H1-0: variants seen among roughly 807,000 people sequenced by gnomAD.
The protein encoded by H1-0 is histone H1.0.
In H1-0, 5 loss-of-function variants were observed where a neutral mutation model predicts 8.8. The observed-to-expected ratio is 0.57, with a 90% CI of 0.30 to 1.19. The LOEUF (loss-of-function observed/expected upper bound fraction) is 1.19, where lower values mean the gene tolerates loss of function less well. H1-0 is among the 50% of genes most tolerant of loss of function. The probability of loss-of-function intolerance (pLI) is 0.08; values close to 1 mark genes in which losing one functional copy is unlikely to be tolerated. For missense variants in H1-0, 231 were observed against 242.0 expected, an observed-to-expected ratio of 0.95 and a Z score of 0.30; for synonymous variants, 143 against 101.4, an observed-to-expected ratio of 1.41 and a Z score of -2.46.
chr22:37,805,855 C>T lies in H1-0; in HGVS notation c.311C>T (p.Ser104Leu), dbSNP rs756358126. ...RLAKSDEPKK[S>L]VAFKKTKKEI... ...GCCAAGAGCGACGAACCCAAGAAGT[C>T]AGTGGCCTTCAAGAAGACCAAGAAG... Residue 104 changes from serine to leucine, a missense_variant, in exon 1 of 1, where the codon TCA becomes TTA. Ser to Leu is a moderately radical substitution (Grantham distance 145, BLOSUM62 -2). Coordinates refer to ENST00000340857, the MANE Select transcript of H1-0 (RefSeq NM_005318.4). 9 of 1,613,842 alleles carry T rather than the reference C, an allele frequency of 5.6e-6. No homozygotes were observed. Among genetic ancestry groups the T allele is most frequent in the East Asian group, 2.2e-5 (1 of 44,888 alleles).
chr22:37,805,741 C>A lies in H1-0; in HGVS notation c.197C>A (p.Ser66Ter). 1 of 1,614,066 alleles carries A rather than the reference C, an allele frequency of 6.2e-7. No individual in the cohort carries two copies. Among genetic ancestry groups the A allele is most frequent in the Non-Finnish European group, 8.5e-7 (1 of 1,179,984 alleles). ...TACAAGGTGGGTGAGAACGCTGACT[C>A]GCAGATCAAGTTGTCCATCAAGCGC... Reference protein sequence around the residue: ...SHYKVGENADSQIKLSIKRLV... With the variant: ...SHYKVGENAD The change falls in exon 1 of 1, where the codon TCG becomes TAG. Residue 66 changes from serine (S) to a stop codon, truncating the protein, a stop_gained. Coordinates refer to ENST00000340857, the MANE Select transcript of H1-0 (RefSeq NM_005318.4). LOFTEE classifies it high-confidence loss of function.
At position 37,805,967 on chromosome 22, in the gene H1-0, C is replaced by G. The variant is rs370894514; in HGVS notation, c.423C>G (p.Thr141=). The G allele has an allele frequency of 1.9e-6, 3 of 1,613,992 alleles. No homozygotes were observed. In the East Asian group the frequency reaches 6.7e-5, roughly 36 times the overall value. The change falls in exon 1 of 1, where the codon ACC becomes ACG. Residue 141 remains threonine, a synonymous_variant. Transcript: ENST00000340857. ...CCCCAACCAAGAAACCCAAAGCCAC[C>G]CCGGTCAAGAAGGCCAAGAAGAAGC... ...SKAPTKKPKA[T]PVKKAKKKLA... is the part of the protein sequence containing the mutation.
Position 37,807,331 on chromosome 22 carries a change from T to TCCCCCCCCCCCCCC in H1-0, c.*1211_*1212insCCCCCCCCCCCCCC, listed in dbSNP as rs56665907. 6.6e-6 allele frequency: 1 copy of TCCCCCCCCCCCCCC among 151,428 alleles called. No individual in the cohort carries two copies. Among genetic ancestry groups the TCCCCCCCCCCCCCC allele is most frequent in the Non-Finnish European group, 1.6e-5 (1 of 64,404 alleles). The allele number at this position is 151,428 out of a possible 1,614,324, so 9.4% of individuals were successfully genotyped here. On this transcript the variant is annotated 3_prime_UTR_variant, in exon 1 of 1. Coordinates refer to ENST00000340857, the MANE Select transcript of H1-0 (RefSeq NM_005318.4). Reference sequence around the variant, plus strand: ...AATAGAAAAATCGCGCACTTGCGCGTCCCCCCCCCACCCCCTTTTTTAAAC... The same window carrying TCCCCCCCCCCCCCC: ...AATAGAAAAATCGCGCACTTGCGCGTCCCCCCCCCCCCCCCCCCCCCCCACCCCCTTTTTTAAAC...
Position 37,805,569 on chromosome 22 carries a change from C to T in H1-0, c.25C>T (p.Pro9Ser). The change falls in exon 1 of 1, where the codon CCT becomes TCT. Residue 9 changes from proline to serine, a missense_variant. Coordinates refer to ENST00000340857, the MANE Select transcript of H1-0 (RefSeq NM_005318.4). MTENSTSA[P>S]AAKPKRAKAS... ...CATGACCGAGAATTCCACGTCCGCCCCTGCGGCCAAGCCCAAGCGGGCCAA... is the reference window on the plus strand; with the variant it reads ...CATGACCGAGAATTCCACGTCCGCCTCTGCGGCCAAGCCCAAGCGGGCCAA... 1.2e-6 allele frequency: 2 copies of T among 1,612,862 alleles called. No homozygotes were observed. The highest frequency in any genetic ancestry group is 1.1e-5 in the South Asian group (1 of 91,040).
chr22:37,805,307 G>C lies in H1-0; in HGVS notation c.-238G>C. 1.9e-6 allele frequency: 1 copy of C among 524,636 alleles called. No individual in the cohort carries two copies. Among genetic ancestry groups the C allele is most frequent in the Non-Finnish European group, 3.4e-6 (1 of 294,680 alleles). 32.5% of individuals were successfully genotyped at this position (524,636 alleles called of 1,614,324 possible). ...AGAGGCAGAGCCCGAGCCCGGTGCC[G>C]AGACCAAGCGACAGACCGGCGGGGC... On this transcript the variant is annotated 5_prime_UTR_variant, in exon 1 of 1. Coordinates refer to ENST00000340857, the MANE Select transcript of H1-0 (RefSeq NM_005318.4).
chr22:37,807,154 C>G lies in H1-0; in HGVS notation c.*1025C>G, dbSNP rs1196487523. 1.8e-5 allele frequency: 3 copies of G among 166,746 alleles called. No homozygotes were observed. The Admixed American group carries it at 2.0e-4, about 11-fold the overall frequency. The allele number at this position is 166,746 out of a possible 1,614,324, so 10.3% of individuals were successfully genotyped here. A position where few individuals can be genotyped will look rare whatever the true frequency, so the allele number is the denominator to read the frequency against. ...AGTGGATAGTAAGACTTACTGCAGTCGATTTGGGATTTGCTAAGTAGTTTT... is the reference window on the plus strand; with the variant it reads ...AGTGGATAGTAAGACTTACTGCAGTGGATTTGGGATTTGCTAAGTAGTTTT... On this transcript the variant is annotated 3_prime_UTR_variant, in exon 1 of 1. Transcript: ENST00000340857.
At position 37,805,695 on chromosome 22, in the gene H1-0, C is replaced by G. The variant is rs1466070658; in HGVS notation, c.151C>G (p.Gln51Glu). The G allele has an allele frequency of 2.5e-6, 4 of 1,614,150 alleles. No homozygotes were observed. The highest frequency in any genetic ancestry group is 1.7e-5 in the Admixed American group (1 of 60,018). Residue 51 changes from glutamine to glutamate, a missense_variant, in exon 1 of 1, where the codon CAG (glutamine) becomes GAG (glutamate). Transcript: ENST00000340857. ...CGCTGGCTCCTCGCGCCAGTCCATTCAGAAGTATATCAAGAGCCACTACAA... is the reference window on the plus strand; with the variant it reads ...CGCTGGCTCCTCGCGCCAGTCCATTGAGAAGTATATCAAGAGCCACTACAA... ...NRAGSSRQSI[Q>E]KYIKSHYKVG...
In H1-0 at chr22:37,805,995, G is replaced by A. The variant is rs1233928467; in HGVS notation, c.451G>A (p.Ala151Thr). Residue 151 changes from alanine to threonine, a missense_variant, in exon 1 of 1, where the codon GCT becomes ACT. Transcript: ENST00000340857. ...GGTCAAGAAGGCCAAGAAGAAGCTG[G>A]CTGCCACGCCCAAGAAAGCCAAAAA... ...TPVKKAKKKL[A>T]ATPKKAKKPK... is the part of the protein sequence containing the mutation. 2.5e-6 allele frequency: 4 copies of A among 1,613,874 alleles called. No individual in the cohort carries two copies. The highest frequency in any genetic ancestry group is 2.7e-5 in the African/African-American group (2 of 74,854).
Position 37,806,201 on chromosome 22 carries a change from C to G in H1-0, c.*72C>G. The G allele has an allele frequency of 8.5e-7, 1 of 1,170,624 alleles. No homozygotes were observed. The highest frequency in any genetic ancestry group is 2.6e-5 in the East Asian group (1 of 39,036). 72.5% of individuals were successfully genotyped at this position (1,170,624 alleles called of 1,614,324 possible). A position where few individuals can be genotyped will look rare whatever the true frequency, so the allele number is the denominator to read the frequency against. On this transcript the variant is annotated 3_prime_UTR_variant, in exon 1 of 1. Transcript: ENST00000340857. The stretch of plus-strand genomic sequence containing the variant: ...TGTAAATAATTTTCTCCTTTTTTCT[C>G]TCTTGATGCTCACCACCACCTTTTG...
Position 37,805,718 on chromosome 22 carries a change from C to G in H1-0, c.174C>G (p.Tyr58Ter). 6.2e-7 allele frequency: 1 copy of G among 1,614,164 alleles called. No individual in the cohort carries two copies. Among genetic ancestry groups the G allele is most frequent in the Non-Finnish European group, 8.5e-7 (1 of 1,180,030 alleles). The part of the protein sequence containing the change: ...QSIQKYIKSH[Y>*]KVGENADSQI... The stretch of plus-strand genomic sequence containing the variant: ...TTCAGAAGTATATCAAGAGCCACTA[C>G]AAGGTGGGTGAGAACGCTGACTCGC... The change falls in exon 1 of 1, where the codon TAC becomes TAG. Residue 58 changes from tyrosine (Y) to a stop codon, truncating the protein, a stop_gained. Transcript: ENST00000340857. LOFTEE classifies it high-confidence loss of function.
Position 37,805,970 on chromosome 22 carries a change from G to T in H1-0, c.426G>T (p.Pro142=). ...CAACCAAGAAACCCAAAGCCACCCC[G>T]GTCAAGAAGGCCAAGAAGAAGCTGG... is the stretch of plus-strand genomic sequence containing the variant. ...KAPTKKPKAT[P]VKKAKKKLAA... The change falls in exon 1 of 1, where the codon CCG becomes CCT. Residue 142 remains proline, a synonymous_variant. Transcript: ENST00000340857. 2 of 1,614,046 alleles carry T rather than the reference G, an allele frequency of 1.2e-6. No homozygotes were observed. Among genetic ancestry groups the T allele is most frequent in the African/African-American group, 2.7e-5 (2 of 74,994 alleles).
rs764824828 is a variant in H1-0, at chr22:37,806,975, CTT to C, written c.*849_*850del. 3.6e-5 allele frequency: 6 copies of C among 167,044 alleles called. No homozygotes were observed. Among genetic ancestry groups the C allele is most frequent in the Non-Finnish European group, 7.3e-5 (5 of 68,130 alleles). 10.3% of individuals were successfully genotyped at this position (167,044 alleles called of 1,614,324 possible). A position where few individuals can be genotyped will look rare whatever the true frequency, so the allele number is the denominator to read the frequency against. On this transcript the variant is annotated 3_prime_UTR_variant, in exon 1 of 1. Coordinates refer to ENST00000340857, the MANE Select transcript of H1-0 (RefSeq NM_005318.4). The stretch of plus-strand genomic sequence containing the variant: ...ATCGATGGATTGTGTCCTAGGAAGA[CTT>C]TTCTTTTCCTCTGGATTTTTGTTCC...
chr22:37,806,380 C>T lies in H1-0; in HGVS notation c.*251C>T, dbSNP rs1404989114. On this transcript the variant is annotated 3_prime_UTR_variant, in exon 1 of 1. Coordinates refer to ENST00000340857, the MANE Select transcript of H1-0 (RefSeq NM_005318.4). ...TTTTGTTTTGCTATTAACCTACTTA[C>T]GGGGTTAGGGATTTGCGGGGGGGGC... is the stretch of plus-strand genomic sequence containing the variant. The T allele has an allele frequency of 6.6e-6, 3 of 456,828 alleles. No homozygotes were observed. Among genetic ancestry groups the T allele is most frequent in the Non-Finnish European group, 7.8e-6 (2 of 255,876 alleles). The allele number at this position is 456,828 out of a possible 1,614,324, so 28.3% of individuals were successfully genotyped here. A position where few individuals can be genotyped will look rare whatever the true frequency, so the allele number is the denominator to read the frequency against.
chr22:37,805,660 A>G lies in H1-0; in HGVS notation c.116A>G (p.Glu39Gly). 1.2e-6 allele frequency: 2 copies of G among 1,614,150 alleles called. No homozygotes were observed. The highest frequency in any genetic ancestry group is 1.7e-6 in the Non-Finnish European group (2 of 1,180,018). The change falls in exon 1 of 1, where the codon GAG becomes GGG. Residue 39 changes from glutamate to glycine, a missense_variant. Physicochemically the swap from Glu to Gly is moderately conservative, Grantham distance 98 (BLOSUM62 -2). Transcript: ENST00000340857. ...ATGATCGTGGCTGCCATCCAGGCCG[A>G]GAAGAACCGCGCTGGCTCCTCGCGC... ...SDMIVAAIQA[E>G]KNRAGSSRQS...
Position 37,805,933 on chromosome 22 carries a change from C to T in H1-0, c.389C>T (p.Ala130Val), listed in dbSNP as rs1377363418. 1 of 1,613,982 alleles carries T rather than the reference C, an allele frequency of 6.2e-7. No homozygotes were observed. Among genetic ancestry groups the T allele is most frequent in the Non-Finnish European group, 8.5e-7 (1 of 1,179,988 alleles). The change falls in exon 1 of 1, where the codon GCC (alanine) becomes GTC (valine). Residue 130 changes from alanine (A) to valine (V), a missense_variant. Coordinates refer to ENST00000340857, the MANE Select transcript of H1-0 (RefSeq NM_005318.4). ...AAGGCATCCAAGCCCAAGAAGGCTG[C>T]CTCCAAAGCCCCAACCAAGAAACCC... ...PKKASKPKKAASKAPTKKPKA... is the reference protein window; with the variant it reads ...PKKASKPKKAVSKAPTKKPKA...
Position 37,806,211 on chromosome 22 carries a change from TCACCAC to T in H1-0, c.*87_*92del. ...TTTCTCCTTTTTTCTCTCTTGATGC[TCACCAC>T]CACCTTTTGCCCCCTTCTGTTCTGA... On this transcript the variant is annotated 3_prime_UTR_variant, in exon 1 of 1. Transcript: ENST00000340857. 3.8e-6 allele frequency: 4 copies of T among 1,056,934 alleles called. No individual in the cohort carries two copies. In the South Asian group the frequency reaches 6.5e-5, roughly 17 times the overall value. The allele number at this position is 1,056,934 out of a possible 1,614,324, so 65.5% of individuals were successfully genotyped here. A position where few individuals can be genotyped will look rare whatever the true frequency, so the allele number is the denominator to read the frequency against.
Position 37,806,884 on chromosome 22 carries a change from G to A in H1-0, c.*755G>A, listed in dbSNP as rs1223420616. 2 of 167,122 alleles carry A rather than the reference G, an allele frequency of 1.2e-5. No individual in the cohort carries two copies. Among genetic ancestry groups the A allele is most frequent in the African/African-American group, 4.8e-5 (2 of 41,460 alleles). 10.4% of individuals were successfully genotyped at this position (167,122 alleles called of 1,614,324 possible). ...TTGTTAAACCGGAGTGAAAACTTCA[G>A]GGGAAGGGTGGGGAGTCAGCCAAGT... On this transcript the variant is annotated 3_prime_UTR_variant, in exon 1 of 1. Coordinates refer to ENST00000340857, the MANE Select transcript of H1-0 (RefSeq NM_005318.4).
Position 37,805,284 on chromosome 22 carries a change from AGGC to A in H1-0, c.-260_-258del, listed in dbSNP as rs1920974837. 2.2e-3 allele frequency: 4 copies of A among 1,784 alleles called. No individual in the cohort carries two copies. The highest frequency in any genetic ancestry group is 0.17 in the East Asian group (1 of 6). The allele number at this position is 1,784 out of a possible 1,614,324, so 0.1% of individuals were successfully genotyped here. Reference sequence around the variant, plus strand: ...GAGGCGGAGGCAGAGGCAGAGGCAGAGGCAGAGCCCGAGCCCGGTGCCGAGACC... The same window carrying A: ...GAGGCGGAGGCAGAGGCAGAGGCAGAAGAGCCCGAGCCCGGTGCCGAGACC... On this transcript the variant is annotated 5_prime_UTR_variant, in exon 1 of 1. Coordinates refer to ENST00000340857, the MANE Select transcript of H1-0 (RefSeq NM_005318.4).
In H1-0 at chr22:37,805,471, C is replaced by A; in HGVS notation, c.-74C>A. The A allele has an allele frequency of 8.9e-7, 1 of 1,120,312 alleles. No individual in the cohort carries two copies. Among genetic ancestry groups the A allele is most frequent in the Non-Finnish European group, 1.3e-6 (1 of 770,016 alleles). 69.4% of individuals were successfully genotyped at this position (1,120,312 alleles called of 1,614,324 possible). A position where few individuals can be genotyped will look rare whatever the true frequency, so the allele number is the denominator to read the frequency against. On this transcript the variant is annotated 5_prime_UTR_variant, in exon 1 of 1. Transcript: ENST00000340857. ...AGGGGCTCAGGAGCAGATCCCGAGG[C>A]AGGCTTTGCTCAGCCTCCGACGAGG...
Sources: allele counts gnomAD v4.1 joint callset, GRCh38; gene constraint gnomAD v4.1.1; transcripts MANE v1.5; gene names NCBI Gene and HGNC (gene_info 2026-07-23, HGNC 2026-07-21).